The following SRBD1 variants were observed in gnomAD, a reference collection of about 807,000 sequenced individuals.
SRBD1 encodes S1 RNA-binding domain-containing protein 1.
Under a neutral mutation model 115.3 loss-of-function variants are expected in SRBD1, and 88 were observed. The observed-to-expected ratio is 0.76, with a 90% CI of 0.64 to 0.91. The LOEUF (loss-of-function observed/expected upper bound fraction) is 0.91. Ranked by LOEUF, SRBD1 falls within the 40% of genes least tolerant of loss-of-function variation. SRBD1 has a pLI of 0.00. For missense variants in SRBD1, 1,385 were observed against 1,177.4 expected (o/e 1.18, Z -2.58); for synonymous variants, 509 against 407.7 (o/e 1.25, Z -2.99).
At chr2:45,453,789 C>A (rs1558405616) in intron 16 of SRBD1, among the ~76,000 whole-genome samples, 1 of 151,824 alleles carries the variant, frequency 6.6e-6, no homozygotes, top group African/African-American at 2.4e-5. Context: ...CAGAGAGAGA[C>A]TAGAGAAAAA....
At chr2:45,500,712 A>G (rs941487379) in intron 14 of SRBD1, among the ~76,000 whole-genome samples, 1 of 152,166 alleles carries the variant, frequency 6.6e-6, no homozygotes, top group Non-Finnish European at 1.5e-5. Flanking sequence ...CACCACAGCC[A>G]GCCAACAGTA....
At chr2:45,513,095 T>C (rs921973368) in intron 14 of SRBD1, among the ~76,000 whole-genome samples, 1 of 152,250 alleles carries the variant, frequency 6.6e-6, no homozygotes. Flanking sequence ...TATACCCCCA[T>C]GGCCTCAAAC....
intron 16 of SRBD1, among the ~76,000 whole-genome samples, chr2:45,471,835 ATG>A (rs141846946): frequency 0.027 from 4,052 of 152,248 alleles, 188 homozygotes; most frequent in African/African-American, 0.092. Flanking sequence ...CCAACTATAA[ATG>A]TATATAAATC....
At position 45,563,411 on chromosome 2, in the gene SRBD1, T is replaced by A. The variant is rs187571764; in HGVS notation, c.1306-655A>T. Among the ~76,000 whole-genome samples, 683 of 151,668 alleles carry A rather than the reference T, an allele frequency of 4.5e-3. 5 individuals carry two copies. The highest frequency in any genetic ancestry group is 0.01 in the Middle Eastern group (3 of 294). On this transcript the variant is annotated intron_variant, in intron 9 of 20. Transcript: ENST00000263736. The stretch of plus-strand genomic sequence containing the variant: ...CTGTCTTAAAACACATTAAAAACAC[T>A]CCTTAAAGTATAAACAAAACCAAAA...
At chr2:45,564,757 A>AT (rs1168167343) in intron 9 of SRBD1, among the ~76,000 whole-genome samples, 3 of 152,184 alleles carry the variant, frequency 2.0e-5, no homozygotes, top group African/African-American at 4.8e-5. Flanking sequence ...TTACACGTGG[A>AT]TTTTTTTCAA....
intron 16 of SRBD1, among the ~76,000 whole-genome samples, chr2:45,423,083 A>G (rs573677827): frequency 8.1e-4 from 124 of 152,346 alleles, no homozygotes; most frequent in African/African-American, 2.7e-3. Flanking sequence ...CTTGATTTAA[A>G]ACATGGTTTT....
At chr2:45,602,661 T>C (rs1674135983) in intron 2 of SRBD1, among the ~76,000 whole-genome samples, 2 of 152,184 alleles carry the variant, frequency 1.3e-5, no homozygotes, top group Admixed American at 6.5e-5. Flanking sequence ...GCGACTATAG[T>C]ACTTTTCTAA....
intron 14 of SRBD1, among the ~76,000 whole-genome samples, chr2:45,506,382 T>C (rs1670797950): frequency 1.3e-5 from 2 of 152,330 alleles, no homozygotes; most frequent in Non-Finnish European, 1.5e-5. Context: ...ACTTTACTTG[T>C]ATTTAACTTA....
rs536258251 is a variant in SRBD1, at chr2:45,588,916, T to G, written c.649-3142A>C. ...TGCTTAAACTAGTTTGAGACAGTTT[T>G]CTTTCATTGTAATCAAAAGCATTCT... is the stretch of plus-strand genomic sequence containing the variant. On this transcript the variant is annotated intron_variant, in intron 4 of 20. Transcript: ENST00000263736. 7.9e-5 allele frequency among the ~76,000 whole-genome samples: 12 copies of G among 152,330 alleles called. No homozygotes were observed. In the South Asian group the frequency reaches 1.4e-3, roughly 18 times the overall value.
chr2:45,607,776 T>TA (rs1388312688), intron 1 of SRBD1, among the ~76,000 whole-genome samples: 1 of 152,170 alleles, frequency 6.6e-6, no homozygotes, highest in Non-Finnish European at 1.5e-5. Flanking sequence ...AAAAAGACTG[T>TA]AAGTTTATTC....
At chr2:45,540,150 G>C (rs184498801) in intron 14 of SRBD1, among the ~76,000 whole-genome samples, 1 of 152,060 alleles carries the variant, frequency 6.6e-6, no homozygotes, top group South Asian at 2.1e-4. Flanking sequence ...AGACCAGCCT[G>C]ACCAACACAG....
chr2:45,552,835 G>A lies in SRBD1; in HGVS notation c.1517+788C>T, dbSNP rs142678564. Among the ~76,000 whole-genome samples the A allele has an allele frequency of 1.6e-3, 244 of 152,248 alleles. No homozygotes were observed. The Middle Eastern group carries it at 0.017, about 11-fold the overall frequency. ...ATAGTACCTGCTCACTCCCTGCTCT[G>A]AACCCATCTTAATTCAATGGTCAAG... is the stretch of plus-strand genomic sequence containing the variant. On this transcript the variant is annotated intron_variant, in intron 11 of 20. Coordinates refer to ENST00000263736, the MANE Select transcript of SRBD1 (RefSeq NM_018079.5).
At chr2:45,604,200 TA>T (rs1674190561) in intron 2 of SRBD1, among the ~76,000 whole-genome samples, 1 of 152,034 alleles carries the variant, frequency 6.6e-6, no homozygotes, top group Non-Finnish European at 1.5e-5. Flanking sequence ...GAAACCAGAA[TA>T]TTTTACAAAT....
At chr2:45,529,448 C>T (rs755313995) in intron 14 of SRBD1, among the ~76,000 whole-genome samples, 5 of 151,846 alleles carry the variant, frequency 3.3e-5, no homozygotes, top group African/African-American at 4.8e-5. Context: ...TTATACTTCC[C>T]TACCAAAAAC....
At chr2:45,486,481 A>T (rs997182392) in intron 15 of SRBD1, among the ~76,000 whole-genome samples, 8 of 152,276 alleles carry the variant, frequency 5.3e-5, no homozygotes, top group African/African-American at 1.9e-4. Context: ...TAATCCCAGC[A>T]CTTTGGGAGG....
At chr2:45,571,517 CAAAAAAAAAAAAAAAA>C (rs58100763) in intron 9 of SRBD1, among the ~76,000 whole-genome samples, 1 of 39,406 alleles carries the variant, frequency 2.5e-5, no homozygotes, top group African/African-American at 9.0e-5. Flanking sequence ...CAGACTTTAC[CAAAAAAAAAAAAAAAA>C]AAAAAAAAAC....
chr2:45,535,543 T>C (rs142480400), intron 14 of SRBD1, among the ~76,000 whole-genome samples: 1 of 152,070 alleles, frequency 6.6e-6, no homozygotes, highest in African/African-American at 2.4e-5. Context: ...ATCTCCAAGC[T>C]TCCACAATTT....
intron 16 of SRBD1, among the ~76,000 whole-genome samples, chr2:45,436,165 T>C (rs1043469558): frequency 2.0e-5 from 3 of 152,016 alleles, no homozygotes; most frequent in Non-Finnish European, 4.4e-5. Context: ...AAAAATCACA[T>C]AGTCCTAGCT....
At chr2:45,470,536 A>T (rs1669616507) in intron 16 of SRBD1, among the ~76,000 whole-genome samples, 1 of 152,190 alleles carries the variant, frequency 6.6e-6, no homozygotes, top group African/African-American at 2.4e-5. Context: ...GTGTGTGTTC[A>T]TTACCAAATG....
Sources: allele counts gnomAD v4.1 joint callset (sites outside exome capture counted in the v4.1 genomes callset), GRCh38; gene constraint gnomAD v4.1.1; transcripts MANE v1.5; gene names NCBI Gene and HGNC (gene_info 2026-07-23, HGNC 2026-07-21).